DMD: variants seen among roughly 807,000 people sequenced by gnomAD.
DMD encodes the protein mutant dystrophin.
In DMD, 63 loss-of-function variants were observed where a neutral mutation model predicts 330.1. That is an observed-to-expected ratio of 0.19 (90% CI 0.16 to 0.24). The LOEUF (loss-of-function observed/expected upper bound fraction) is 0.24. DMD is among the 10% of genes least tolerant of loss of function. DMD has a pLI of 1.00. For missense variants in DMD, 3,344 were observed against 2,684.1 expected, an observed-to-expected ratio of 1.25 and a Z score of -5.43; for synonymous variants, 1,223 against 959.8, an observed-to-expected ratio of 1.27 and a Z score of -5.07.
chrX:32,807,134 A>C (rs1368901411), intron 7 of DMD, among the ~76,000 whole-genome samples: 7 of 103,950 alleles, frequency 6.7e-5, no homozygotes, highest in Non-Finnish European at 1.4e-4. Context: ...AAAAAAAAAA[A>C]AAAAAAAAAA....
rs1021896810 is a variant in DMD at position 31,442,210 on chromosome X, G to A, written c.9084+2271C>T. On this transcript the variant is annotated intron_variant, in intron 60 of 78. Coordinates refer to ENST00000357033, the MANE Select transcript of DMD (RefSeq NM_004006.3). ...AATGTGTATCTCCCCCAGATATCTA[G>A]AGACAGAATCATAAGATTGAACTGT... Among the ~76,000 whole-genome samples the A allele has an allele frequency of 2.7e-5, 3 of 112,044 alleles. No individual in the cohort carries two copies. The East Asian group carries it at 8.4e-4, about 31-fold the overall frequency.
intron 1 of DMD, among the ~76,000 whole-genome samples, chrX:33,148,111 T>C (rs1014256782): frequency 1.8e-5 from 2 of 112,392 alleles, no homozygotes; most frequent in East Asian, 2.8e-4. Flanking sequence ...CTGCTAATCT[T>C]GGGCTTTCAT....
chrX:32,507,244 A>G (rs1050706300), intron 18 of DMD, among the ~76,000 whole-genome samples: 3 of 111,712 alleles, frequency 2.7e-5, no homozygotes, highest in African/African-American at 9.7e-5. Context: ...AACAATGACA[A>G]CAAGCTGAGT....
chrX:31,727,029 A>C (rs2086111808), intron 52 of DMD, among the ~76,000 whole-genome samples: 2 of 112,205 alleles, frequency 1.8e-5, no homozygotes, highest in African/African-American at 6.5e-5. Flanking sequence ...ATGAAAAAAA[A>C]ATGCAGGGGA....
At chrX:32,463,835 C>A (rs2098391972) in intron 24 of DMD, among the ~76,000 whole-genome samples, 1 of 111,596 alleles carries the variant, frequency 9.0e-6, no homozygotes, top group Non-Finnish European at 1.9e-5. Flanking sequence ...ATATCAGAAA[C>A]AAAAGGAAAT....
chrX:31,400,291 T>C (rs761860426), intron 60 of DMD, among the ~76,000 whole-genome samples: 3 of 111,228 alleles, frequency 2.7e-5, no homozygotes, highest in Admixed American at 9.5e-5. Context: ...CTCAAAAGAA[T>C]GCAACCATTT....
intron 59 of DMD, among the ~76,000 whole-genome samples, chrX:31,454,304 G>T (rs757259314): frequency 5.8e-4 from 64 of 111,185 alleles, no homozygotes; most frequent in African/African-American, 2.0e-3. Flanking sequence ...ACCATGCCTG[G>T]CTAATTTTTC....
At chrX:31,861,068 T>G (rs1002716638) in intron 48 of DMD, among the ~76,000 whole-genome samples, 3 of 111,966 alleles carry the variant, frequency 2.7e-5, no homozygotes, top group African/African-American at 9.7e-5. Context: ...ATGTTTTTAC[T>G]TCAAGTTGTA....
intron 12 of DMD, among the ~76,000 whole-genome samples, chrX:32,604,148 G>A (rs1027781402): frequency 7.3e-5 from 8 of 110,092 alleles, no homozygotes; most frequent in East Asian, 2.9e-4. Context: ...GATAATACAT[G>A]ACAATAACGT....
At chrX:32,483,615 T>C (rs750535489) in intron 21 of DMD, among the ~76,000 whole-genome samples, 182 of 109,176 alleles carry the variant, frequency 1.7e-3, no homozygotes, top group African/African-American at 2.5e-3. Flanking sequence ...GGGGGAGTTA[T>C]GTATGTAATG....
chrX:31,122,015 C>T, intron 78 of DMD, 85 bp from the exon 79 acceptor site: 2 of 743,538 alleles, frequency 2.7e-6, no homozygotes, highest in South Asian at 4.3e-5. Context: ...TTTGGGAAAT[C>T]ATTCCCCATT....
At chrX:32,885,822 A>AGGG (rs1230501295) in intron 2 of DMD, among the ~76,000 whole-genome samples, 31 of 43,107 alleles carry the variant, frequency 7.2e-4, no homozygotes, top group African/African-American at 2.2e-3. Context: ...GTTTCCCTTG[A>AGGG]GGGGGAAAAA....
intron 1 of DMD, among the ~76,000 whole-genome samples, chrX:33,322,455 A>G (rs2054029719): frequency 9.0e-6 from 1 of 111,207 alleles, no homozygotes; most frequent in Admixed American, 9.7e-5. Context: ...TTGTTATTTC[A>G]TATGGGCATG....
intron 31 of DMD, 101 bp downstream of exon 31, chrX:32,389,970 T>C (rs1337864043): frequency 4.5e-6 from 3 of 673,314 alleles, no homozygotes; most frequent in Admixed American, 2.5e-5. Flanking sequence ...TTTCAAATAA[T>C]GTCCTCAAAT....
chrX:32,551,967 TA>T (rs941263977), intron 16 of DMD, among the ~76,000 whole-genome samples: 11 of 112,088 alleles, frequency 9.8e-5, no homozygotes, highest in Admixed American at 8.6e-4. Context: ...ATTGCTCAAG[TA>T]ACTCAGAGAT....
chrX:32,413,445 CT>C lies in DMD; in HGVS notation c.4072-1533del, dbSNP rs771775256. On this transcript the variant is annotated intron_variant, in intron 29 of 78. Coordinates refer to ENST00000357033, the MANE Select transcript of DMD (RefSeq NM_004006.3). The stretch of plus-strand genomic sequence containing the variant: ...TATCATGTCCTTCATCATGTTGCAT[CT>C]AATCAGTCAATCACTAATTATTTAT... Among the ~76,000 whole-genome samples, 269 of 111,284 alleles carry C rather than the reference CT, an allele frequency of 2.4e-3. 1 individual carries two copies. Among genetic ancestry groups the C allele is most frequent in the African/African-American group, 8.6e-3 (261 of 30,439 alleles).
Position 31,478,988 on chromosome X carries a change from G to C in DMD, c.8663C>G (p.Pro2888Arg). The C allele has an allele frequency of 5.8e-6, 7 of 1,209,826 alleles. No homozygotes were observed. The highest frequency in any genetic ancestry group is 7.8e-6 in the Non-Finnish European group (7 of 894,228). The change falls in exon 58 of 79, where the codon CCC (proline) becomes CGC (arginine). Residue 2888 changes from proline (P) to arginine (R), a missense_variant. Physicochemically the swap from Pro to Arg is moderately radical, Grantham distance 103. Transcript: ENST00000357033. Reference sequence around the variant, plus strand: ...ATAGTTCCACATTCAATTACCTCTGGGCTCCTGGTAGAGTTTCTCTAGTCC... The same window carrying C: ...ATAGTTCCACATTCAATTACCTCTGCGCTCCTGGTAGAGTTTCTCTAGTCC... ...LEGLEKLYQE[P>R]RELPPEERAQ...
chrX:32,601,513 G>A (rs777013677), intron 12 of DMD, among the ~76,000 whole-genome samples: 8 of 111,576 alleles, frequency 7.2e-5, no homozygotes, highest in African/African-American at 1.6e-4. Context: ...TAGCCTGAAG[G>A]GGACTCAATA....
intron 64 of DMD, among the ~76,000 whole-genome samples, chrX:31,219,833 T>TACACACACACAC (rs58717973): frequency 0.15 from 14,925 of 100,141 alleles, 1,134 homozygotes; most frequent in East Asian, 0.48. Context: ...GATCAATGTA[T>TACACACACACAC]ACACACACAC....
Sources: allele counts gnomAD v4.1 joint callset (sites outside exome capture counted in the v4.1 genomes callset), GRCh38; gene constraint gnomAD v4.1.1; transcripts MANE v1.5; gene names NCBI Gene and HGNC (gene_info 2026-07-23, HGNC 2026-07-21).